Variants in CPNE8 observed in about 807,000 individuals in gnomAD.
The protein encoded by CPNE8 is copine-8.
CPNE8 carries 45 observed loss-of-function variants against 81.5 expected under a neutral mutation model. The ratio of observed to expected loss-of-function variants is 0.55; its 90% CI spans 0.44 to 0.71. CPNE8 has a LOEUF of 0.71. Among genes scored for constraint, CPNE8 ranks in the 30% least tolerant of loss-of-function variants. The probability of loss-of-function intolerance (pLI) is 0.00; values close to 1 mark genes in which losing one functional copy is unlikely to be tolerated. For missense variants in CPNE8, 594 were observed against 672.1 expected (o/e 0.88, Z 1.28); for synonymous variants, 252 against 226.3 (o/e 1.11, Z -1.02).
At chr12:38,791,757 A>G (rs1370308960) in intron 6 of CPNE8, among the ~76,000 whole-genome samples, 2 of 151,700 alleles carry the variant, frequency 1.3e-5, no homozygotes, top group East Asian at 1.9e-4. Flanking sequence ...CATACAGAAT[A>G]TGTCACTCAA....
At chr12:38,665,959 A>G (rs2136639217) in intron 19 of CPNE8, among the ~76,000 whole-genome samples, 1 of 152,274 alleles carries the variant, frequency 6.6e-6, no homozygotes, top group East Asian at 1.9e-4. Flanking sequence ...ATGCCTTCCT[A>G]CTGGACTGTA....
intron 1 of CPNE8, among the ~76,000 whole-genome samples, chr12:38,880,381 A>G (rs1235191235): frequency 6.6e-6 from 1 of 152,254 alleles, no homozygotes; most frequent in Non-Finnish European, 1.5e-5. Flanking sequence ...GAATGAACAA[A>G]GAGTTTTAGT....
chr12:38,866,435 C>A (rs1265243825), intron 3 of CPNE8, among the ~76,000 whole-genome samples: 1 of 152,170 alleles, frequency 6.6e-6, no homozygotes, highest in African/African-American at 2.4e-5. Context: ...AGTAGCCATG[C>A]AGAATGCTTA....
intron 7 of CPNE8, among the ~76,000 whole-genome samples, chr12:38,770,480 T>C (rs1346146833): frequency 2.0e-5 from 3 of 152,226 alleles, no homozygotes; most frequent in East Asian, 1.9e-4. Flanking sequence ...CTTTGATGTA[T>C]CCAATCCATT....
intron 12 of CPNE8, among the ~76,000 whole-genome samples, chr12:38,724,162 A>G (rs555461561): frequency 6.6e-6 from 1 of 152,174 alleles, no homozygotes; most frequent in Non-Finnish European, 1.5e-5. Context: ...CCAAAAAACC[A>G]AAATCAGTGA....
intron 4 of CPNE8, among the ~76,000 whole-genome samples, chr12:38,844,349 A>G (rs1943519421): frequency 6.6e-6 from 1 of 152,146 alleles, no homozygotes; most frequent in South Asian, 2.1e-4. Context: ...TGGTACAGCT[A>G]CTCTACCAAT....
chr12:38,765,699 C>T (rs1365701874), intron 8 of CPNE8, among the ~76,000 whole-genome samples: 1 of 152,102 alleles, frequency 6.6e-6, no homozygotes, highest in Non-Finnish European at 1.5e-5. Context: ...ATATCTGGAT[C>T]GAGCTGGCAA....
chr12:38,735,642 A>G (rs1005768774), intron 10 of CPNE8, among the ~76,000 whole-genome samples: 1 of 152,080 alleles, frequency 6.6e-6, no homozygotes, highest in African/African-American at 2.4e-5. Context: ...TAGTTAAAAC[A>G]TCAACACAAT....
chr12:38,740,393 C>T (rs1233017775), intron 10 of CPNE8, among the ~76,000 whole-genome samples: 2 of 152,136 alleles, frequency 1.3e-5, no homozygotes, highest in Admixed American at 1.3e-4. Context: ...GTTTCTTTCT[C>T]CTGCCTGATT....
At chr12:38,842,687 T>C (rs796874860) in intron 4 of CPNE8, among the ~76,000 whole-genome samples, 18 of 149,834 alleles carry the variant, frequency 1.2e-4, no homozygotes, top group African/African-American at 2.9e-4. Context: ...GTGATTCTCC[T>C]GCCTCAGCCT....
At chr12:38,795,771 A>G (rs544520725) in intron 6 of CPNE8, among the ~76,000 whole-genome samples, 27 of 152,278 alleles carry the variant, frequency 1.8e-4, no homozygotes, top group African/African-American at 6.0e-4. Context: ...TGTAAGATGA[A>G]AAAGTTCTAG....
intron 10 of CPNE8, among the ~76,000 whole-genome samples, chr12:38,735,002 A>G (rs952399571): frequency 6.6e-6 from 1 of 152,136 alleles, no homozygotes; most frequent in Non-Finnish European, 1.5e-5. Context: ...ATATGTATCA[A>G]AGGATATCTC....
intron 19 of CPNE8, among the ~76,000 whole-genome samples, chr12:38,658,124 C>T (rs1565556917): frequency 6.6e-6 from 1 of 152,090 alleles, no homozygotes; most frequent in Non-Finnish European, 1.5e-5. Flanking sequence ...CATGTTCTAA[C>T]CCATCACAAG....
At chr12:38,713,612 A>G (rs768253015) in intron 13 of CPNE8, among the ~76,000 whole-genome samples, 3 of 152,148 alleles carry the variant, frequency 2.0e-5, no homozygotes, top group Non-Finnish European at 4.4e-5. Context: ...AATTTTGATA[A>G]GAAATTTGGG....
intron 17 of CPNE8, among the ~76,000 whole-genome samples, chr12:38,676,498 A>G (rs1322845779): frequency 6.6e-6 from 1 of 152,204 alleles, no homozygotes; most frequent in East Asian, 1.9e-4. Flanking sequence ...ATAAAATAGT[A>G]GTAGTACCAT....
chr12:38,835,898 G>A (rs960378571), intron 5 of CPNE8, among the ~76,000 whole-genome samples: 2 of 151,970 alleles, frequency 1.3e-5, no homozygotes, highest in Non-Finnish European at 2.9e-5. Context: ...GGTGCCTTCC[G>A]CAACCAACCA....
Position 38,802,759 on chromosome 12 carries a change from G to A in CPNE8, c.408-26458C>T, listed in dbSNP as rs570778429. Among the ~76,000 whole-genome samples the A allele has an allele frequency of 3.8e-4, 56 of 148,124 alleles. 1 individual carries two copies. In the South Asian group the frequency reaches 0.012, roughly 31 times the overall value. On this transcript the variant is annotated intron_variant, in intron 6 of 19. Transcript: ENST00000331366. ...GATCAACAAAATTGATAGACCGCTAGCAAGACTAATAAAGAAAAAAAGAGA... is the reference window on the plus strand; with the variant it reads ...GATCAACAAAATTGATAGACCGCTAACAAGACTAATAAAGAAAAAAAGAGA...
At chr12:38,716,293 A>G (rs2097129113) in intron 13 of CPNE8, among the ~76,000 whole-genome samples, 1 of 152,070 alleles carries the variant, frequency 6.6e-6, no homozygotes, top group African/African-American at 2.4e-5. Flanking sequence ...ATGAGTAAAC[A>G]CTATCCTAAA....
At chr12:38,755,095 T>A (rs923706156) in intron 10 of CPNE8, among the ~76,000 whole-genome samples, 2 of 152,172 alleles carry the variant, frequency 1.3e-5, no homozygotes, top group African/African-American at 4.8e-5. Context: ...AATGAAAACA[T>A]CAAGTGCATT....
Sources: gnomAD v4.1 joint callset for allele counts (sites outside exome capture counted in the v4.1 genomes callset) on GRCh38, gnomAD v4.1.1 for gene constraint, MANE v1.5 for transcripts, NCBI Gene and HGNC (gene_info 2026-07-23, HGNC 2026-07-21) for gene names.